MINDY4B: variants seen among roughly 807,000 people sequenced by gnomAD.
The protein encoded by MINDY4B is inactive ubiquitin carboxyl-terminal hydrolase MINDY-4B.
In MINDY4B, 25 loss-of-function variants were observed where a neutral mutation model predicts 16.7. The ratio of observed to expected loss-of-function variants is 1.49; its 90% CI spans 1.09 to 2.09. The LOEUF (loss-of-function observed/expected upper bound fraction) is 2.09. Ranked by LOEUF, MINDY4B falls within the 30% of genes most tolerant of loss-of-function variation. The probability of loss-of-function intolerance (pLI) is 0.00; values close to 1 mark genes in which losing one functional copy is unlikely to be tolerated. For missense variants in MINDY4B, 327 were observed against 168.4 expected (o/e 1.94, Z -5.21); for synonymous variants, 132 against 61.9 (o/e 2.13, Z -5.32).
chr3:150,897,206 C>CAGCCTGTT (rs1711994527), intron 3 of MINDY4B, among the ~76,000 whole-genome samples: 1 of 152,094 alleles, frequency 6.6e-6, no homozygotes, highest in Non-Finnish European at 1.5e-5. Flanking sequence ...TGCCACACAC[C>CAGCCTGTT]AGCCTGTTAC....
rs941882761 is a variant in MINDY4B, at chr3:150,871,052, A to G, written c.1376T>C (p.Phe459Ser). The G allele has an allele frequency of 1.4e-5, 10 of 702,714 alleles. No individual in the cohort carries two copies. Among genetic ancestry groups the G allele is most frequent in the Non-Finnish European group, 2.3e-5 (9 of 384,852 alleles). The allele number at this position is 702,714 out of a possible 1,614,324, so 43.5% of individuals were successfully genotyped here. A position where few individuals can be genotyped will look rare whatever the true frequency, so the allele number is the denominator to read the frequency against. ...ATINWNGTVP[F>S]F ...GCACAGCCTAGTTTCCCTTTAGAAG[A>G]AGGGAACGGTCCCATTCCAGTTGAT... Residue 459 changes from phenylalanine to serine, a missense_variant, in exon 12 of 12, where the codon TTC (phenylalanine) becomes TCC (serine). Transcript: ENST00000465419.
At position 150,880,922 on chromosome 3, in the gene MINDY4B, A is replaced by T. The variant is rs1290534264; in HGVS notation, c.1059+1975T>A. Among the ~76,000 whole-genome samples, 3 of 152,168 alleles carry T rather than the reference A, an allele frequency of 2.0e-5. No homozygotes were observed. In the South Asian group the frequency reaches 6.2e-4, roughly 32 times the overall value. On this transcript the variant is annotated intron_variant, in intron 10 of 11. Coordinates refer to ENST00000465419, the MANE Select transcript of MINDY4B (RefSeq NM_001351281.2). Reference sequence around the variant, plus strand: ...GTAAAATGAAATCTATAAATCCTCTATTTCTGGCTTAGTTTTACTCTTCAT... The same window carrying T: ...GTAAAATGAAATCTATAAATCCTCTTTTTCTGGCTTAGTTTTACTCTTCAT...
At chr3:150,905,268 T>A in intron 1 of MINDY4B, 59 bp downstream of exon 1, 2 of 398,372 alleles carry the variant, frequency 5.0e-6, no homozygotes, top group Non-Finnish European at 8.9e-6. Context: ...ATAAGTTGAT[T>A]ACTTAAACAC....
intron 7 of MINDY4B, among the ~76,000 whole-genome samples, chr3:150,889,329 C>T (rs55991591): frequency 0.14 from 21,053 of 152,278 alleles, 2,058 homozygotes; most frequent in African/African-American, 0.27. Context: ...TGGCTCTTCT[C>T]TTCCATCATC....
chr3:150,877,493 G>A (rs1268626901), intron 10 of MINDY4B, among the ~76,000 whole-genome samples: 2 of 152,150 alleles, frequency 1.3e-5, no homozygotes. Flanking sequence ...GTTCTGCACT[G>A]TGTTTCAGTT....
In MINDY4B at chr3:150,894,433, TC is replaced by T. The variant is rs1312290071; in HGVS notation, c.310-129del. 3 of 546,492 alleles carry T rather than the reference TC, an allele frequency of 5.5e-6. No individual in the cohort carries two copies. The Admixed American group carries it at 1.1e-4, about 19-fold the overall frequency. 33.9% of individuals were successfully genotyped at this position (546,492 alleles called of 1,614,324 possible). On this transcript the variant is annotated intron_variant, in intron 3 of 11. Coordinates refer to ENST00000465419, the MANE Select transcript of MINDY4B (RefSeq NM_001351281.2). ...TTCTACATTCAGGTTTACATATTAC[TC>T]TAGTCCCTGATTTTAATTGTCTGAA... is the stretch of plus-strand genomic sequence containing the variant.
intron 1 of MINDY4B, 73 bp downstream of exon 1, chr3:150,905,254 G>T (rs984489790): frequency 2.3e-5 from 9 of 398,130 alleles, no homozygotes; most frequent in Admixed American, 2.2e-4. Flanking sequence ...CATGTTGCAA[G>T]CTTATAAGTT....
chr3:150,899,271 C>T (rs1477906661), intron 3 of MINDY4B, among the ~76,000 whole-genome samples: 2 of 152,194 alleles, frequency 1.3e-5, no homozygotes, highest in African/African-American at 4.8e-5. Context: ...GACCCAAATG[C>T]AAGCCTTTCA....
rs1198627564 is a variant in MINDY4B, at chr3:150,894,169, T to A, written c.429+17A>T. 5.9e-6 allele frequency: 4 copies of A among 676,626 alleles called. No homozygotes were observed. In the East Asian group the frequency reaches 1.1e-4, roughly 18 times the overall value. The allele number at this position is 676,626 out of a possible 1,614,324, so 41.9% of individuals were successfully genotyped here. On this transcript the variant is annotated intron_variant, in intron 4 of 11. Coordinates refer to ENST00000465419, the MANE Select transcript of MINDY4B (RefSeq NM_001351281.2). ...CATGGGAATAAGGTTTTTTAAAAAT[T>A]ATAAACTGGCTATTACCTTTCCCAC...
At chr3:150,885,531 G>T in intron 7 of MINDY4B, 93 bp from the exon 8 acceptor site, 2 of 672,738 alleles carry the variant, frequency 3.0e-6, no homozygotes, top group South Asian at 1.6e-5. Flanking sequence ...CAGGCTGAGA[G>T]AATTTTTTCC....
Position 150,903,386 on chromosome 3 carries a change from C to T in MINDY4B, c.172G>A (p.Glu58Lys), listed in dbSNP as rs1393431527. 1 of 398,578 alleles carries T rather than the reference C, an allele frequency of 2.5e-6. No individual in the cohort carries two copies. Among genetic ancestry groups the T allele is most frequent in the Non-Finnish European group, 4.4e-6 (1 of 226,020 alleles). The allele number at this position is 398,578 out of a possible 1,614,324, so 24.7% of individuals were successfully genotyped here. A position where few individuals can be genotyped will look rare whatever the true frequency, so the allele number is the denominator to read the frequency against. The change falls in exon 3 of 12, where the codon GAA becomes AAA. Residue 58 changes from glutamate (E) to lysine (K), a missense_variant. Physicochemically the swap from Glu to Lys is moderately conservative, Grantham distance 56 (BLOSUM62 1). Transcript: ENST00000465419. ...NHEGNHTSAD[E>K]NEDGTGLSQP... Reference sequence around the variant, plus strand: ...GATAGTCCTGTTCCATCTTCATTTTCATCAGCAGATGTATGGTTGCCTTCA... The same window carrying T: ...GATAGTCCTGTTCCATCTTCATTTTTATCAGCAGATGTATGGTTGCCTTCA...
At chr3:150,899,811 C>G (rs569326967) in intron 3 of MINDY4B, among the ~76,000 whole-genome samples, 2 of 152,294 alleles carry the variant, frequency 1.3e-5, no homozygotes, top group South Asian at 2.1e-4. Context: ...TTAACTCACA[C>G]CTGTCGAGAC....
At chr3:150,877,931 G>A (rs1711499263) in intron 10 of MINDY4B, among the ~76,000 whole-genome samples, 1 of 152,046 alleles carries the variant, frequency 6.6e-6, no homozygotes, top group Non-Finnish European at 1.5e-5. Flanking sequence ...ATAATGGCAG[G>A]CAGCATGGTC....
intron 10 of MINDY4B, among the ~76,000 whole-genome samples, chr3:150,882,564 GTATATATATATA>G (rs59302082): frequency 0.74 from 109,688 of 148,044 alleles, 41,129 homozygotes; most frequent in Non-Finnish European, 0.81. Context: ...GTGTATGTGT[GTATATATATATA>G]TATATATATA....
rs1712206902 is a variant in MINDY4B at position 150,905,045 on chromosome 3, T to A, written c.141+17A>T. On this transcript the variant is annotated intron_variant, in intron 2 of 11. Transcript: ENST00000465419. ...GCAACTAAAGGAGAACACACTGGCT[T>A]TGGGAAAAGTAATTACCTGAGGAGT... 1 of 398,408 alleles carries A rather than the reference T, an allele frequency of 2.5e-6. No individual in the cohort carries two copies. The highest frequency in any genetic ancestry group is 4.4e-6 in the Non-Finnish European group (1 of 225,994). 24.7% of individuals were successfully genotyped at this position (398,408 alleles called of 1,614,324 possible). A position where few individuals can be genotyped will look rare whatever the true frequency, so the allele number is the denominator to read the frequency against.
intron 3 of MINDY4B, among the ~76,000 whole-genome samples, chr3:150,897,350 T>C (rs1712001553): frequency 6.6e-6 from 1 of 151,714 alleles, no homozygotes; most frequent in South Asian, 2.1e-4. Flanking sequence ...TGTGTGTGTG[T>C]GTGTGTGTGT....
chr3:150,891,276 C>T (rs1233691946), intron 5 of MINDY4B, 173 bp from the exon 6 acceptor site: 8 of 583,378 alleles, frequency 1.4e-5, no homozygotes, highest in Non-Finnish European at 2.5e-5. Flanking sequence ...GCATTGAATA[C>T]ACTCAGGGTC....
intron 5 of MINDY4B, among the ~76,000 whole-genome samples, chr3:150,892,096 T>C (rs992476237): frequency 5.3e-5 from 8 of 152,232 alleles, no homozygotes; most frequent in African/African-American, 1.9e-4. Flanking sequence ...CCCATTTTTC[T>C]ACTTTCTCTG....
At chr3:150,890,675 G>C in intron 6 of MINDY4B, 1 of 501,214 alleles carries the variant, frequency 2.0e-6, no homozygotes, top group East Asian at 3.0e-5. Context: ...CTTTCGGACA[G>C]TGGATATGGA....
Sources: allele counts gnomAD v4.1 joint callset (sites outside exome capture counted in the v4.1 genomes callset), GRCh38; gene constraint gnomAD v4.1.1; transcripts MANE v1.5; gene names NCBI Gene and HGNC (gene_info 2026-07-23, HGNC 2026-07-21).